The following DIAPH3 variants were observed in gnomAD, a reference collection of about 807,000 sequenced individuals.
The protein encoded by DIAPH3 is diaphanous related formin 3, also known as protein diaphanous homolog 3.
A neutral mutation model predicts 144.3 loss-of-function variants in DIAPH3; 117 were observed. That is an observed-to-expected ratio of 0.81 (90% CI 0.70 to 0.95). The LOEUF is 0.95. Among genes scored for constraint, DIAPH3 ranks in the 40% least tolerant of loss-of-function variants. DIAPH3 has a pLI of 0.00. For missense variants in DIAPH3, 1,421 were observed against 1,412.7 expected (o/e 1.01, Z -0.09); for synonymous variants, 519 against 488.9 (o/e 1.06, Z -0.81).
intron 7 of DIAPH3, among the ~76,000 whole-genome samples, chr13:60,015,209 T>A (rs2053558492): frequency 6.6e-6 from 1 of 152,160 alleles, no homozygotes; most frequent in African/African-American, 2.4e-5. Context: ...TTGCCCAGGC[T>A]GGTCTCAAAC....
intron 25 of DIAPH3, 139 bp from the exon 26 acceptor site, chr13:59,774,962 G>A (rs754015712): frequency 2.1e-5 from 15 of 712,156 alleles, no homozygotes; most frequent in African/African-American, 3.5e-5. Context: ...TTTCAAAATA[G>A]GACAGGACTT....
intron 2 of DIAPH3, among the ~76,000 whole-genome samples, chr13:60,116,861 C>A (rs2083024644): frequency 6.6e-6 from 1 of 151,944 alleles, no homozygotes; most frequent in Middle Eastern, 3.2e-3. Context: ...AATATTTTTA[C>A]TAATATTTAC....
At chr13:59,810,647 A>G in intron 25 of DIAPH3, 141 bp downstream of exon 25, 1 of 935,418 alleles carries the variant, frequency 1.1e-6, no homozygotes, top group South Asian at 1.7e-5. Flanking sequence ...AAGACCATAA[A>G]GAAAGAATTG....
chr13:60,136,799 G>A (rs1216054306), intron 1 of DIAPH3, among the ~76,000 whole-genome samples: 1 of 152,100 alleles, frequency 6.6e-6, no homozygotes, highest in Non-Finnish European at 1.5e-5. Flanking sequence ...AATTAGCCGG[G>A]CGTGGTGGCG....
chr13:59,912,734 C>G (rs955407894), intron 19 of DIAPH3, among the ~76,000 whole-genome samples: 1 of 151,948 alleles, frequency 6.6e-6, no homozygotes, highest in Admixed American at 6.6e-5. Context: ...CTGTACAAGC[C>G]CAAAGTTGAA....
chr13:59,731,219 A>T (rs1011110435), intron 27 of DIAPH3, among the ~76,000 whole-genome samples: 2 of 152,206 alleles, frequency 1.3e-5, no homozygotes, highest in Non-Finnish European at 2.9e-5. Context: ...GAAGGTGGAC[A>T]TGTAAAGTCT....
At chr13:59,732,990 G>GGT (rs151293778) in intron 27 of DIAPH3, among the ~76,000 whole-genome samples, 4 of 151,868 alleles carry the variant, frequency 2.6e-5, no homozygotes, top group Non-Finnish European at 4.4e-5. Flanking sequence ...TTTTGGTAGA[G>GGT]GTGTGTGTGT....
At chr13:60,141,201 AAGTT>A (rs1209554844) in intron 1 of DIAPH3, among the ~76,000 whole-genome samples, 1 of 152,208 alleles carries the variant, frequency 6.6e-6, no homozygotes, top group Non-Finnish European at 1.5e-5. Context: ...CATCTTGAGA[AAGTT>A]AGGGTAAATA....
At chr13:60,030,654 G>A (rs993934262) in intron 5 of DIAPH3, among the ~76,000 whole-genome samples, 1 of 152,122 alleles carries the variant, frequency 6.6e-6, no homozygotes, top group Non-Finnish European at 1.5e-5. Flanking sequence ...ACAGTGGAGA[G>A]AGCAGCCACA....
chr13:59,843,473 G>T (rs1456940150), intron 22 of DIAPH3, among the ~76,000 whole-genome samples: 1 of 152,156 alleles, frequency 6.6e-6, no homozygotes, highest in Non-Finnish European at 1.5e-5. Flanking sequence ...TTGTCAGTGG[G>T]TCAGGAACTA....
chr13:59,666,910 T>C, intron 27 of DIAPH3, 64 bp from the exon 28 acceptor site: 1 of 1,565,808 alleles, frequency 6.4e-7, no homozygotes, highest in Non-Finnish European at 8.8e-7. Flanking sequence ...GTGCACGTTA[T>C]GAAACACATT....
intron 2 of DIAPH3, among the ~76,000 whole-genome samples, chr13:60,128,644 T>C (rs1013884656): frequency 6.6e-6 from 1 of 152,138 alleles, no homozygotes; most frequent in Non-Finnish European, 1.5e-5. Flanking sequence ...TGCAACTACA[T>C]ATAATAAAGA....
intron 4 of DIAPH3, among the ~76,000 whole-genome samples, chr13:60,050,820 C>A (rs1339597154): frequency 7.4e-5 from 2 of 27,100 alleles, no homozygotes; most frequent in African/African-American, 1.7e-4. Context: ...ACAGAAACAA[C>A]GTGAAACAAG....
At chr13:59,962,572 A>T (rs371055483) in intron 17 of DIAPH3, among the ~76,000 whole-genome samples, 1 of 152,128 alleles carries the variant, frequency 6.6e-6, no homozygotes, top group African/African-American at 2.4e-5. Flanking sequence ...AGTAGTAAGG[A>T]CTGCCATTAG....
intron 24 of DIAPH3, among the ~76,000 whole-genome samples, chr13:59,824,087 C>T (rs529998266): frequency 5.3e-5 from 8 of 152,176 alleles, no homozygotes; most frequent in African/African-American, 1.9e-4. Flanking sequence ...TGTAGAAATA[C>T]TCTAAAGCCA....
At chr13:60,127,928 A>G (rs11840288) in intron 2 of DIAPH3, among the ~76,000 whole-genome samples, 6,265 of 152,212 alleles carry the variant, frequency 0.041, 180 homozygotes, top group East Asian at 0.1. Context: ...TTTTAGGTTC[A>G]GAGGTACATG....
intron 27 of DIAPH3, among the ~76,000 whole-genome samples, chr13:59,714,358 T>G (rs1449567052): frequency 1.2e-4 from 2 of 16,974 alleles, no homozygotes; most frequent in Non-Finnish European, 2.4e-4. Flanking sequence ...AGACTCCGTC[T>G]CAAAAAAAAA....
chr13:59,769,873 AGAG>A (rs1448305255), intron 27 of DIAPH3, among the ~76,000 whole-genome samples: 2 of 152,162 alleles, frequency 1.3e-5, no homozygotes, highest in Non-Finnish European at 2.9e-5. Flanking sequence ...TTGATTTAAA[AGAG>A]GAGATTTTAC....
At chr13:59,955,223 T>G (rs1789775270) in intron 17 of DIAPH3, among the ~76,000 whole-genome samples, 1 of 152,018 alleles carries the variant, frequency 6.6e-6, no homozygotes, top group African/African-American at 2.4e-5. Context: ...CCCACCAAAA[T>G]CTCATCTTGA....
Sources: allele counts gnomAD v4.1 joint callset (sites outside exome capture counted in the v4.1 genomes callset), GRCh38; gene constraint gnomAD v4.1.1; transcripts MANE v1.5; gene names NCBI Gene and HGNC (gene_info 2026-07-23, HGNC 2026-07-21).